The following ROR1 variants were observed in gnomAD, a reference collection of about 807,000 sequenced individuals.
ROR1 encodes ROR family WNT receptor 1.
ROR1 carries 19 observed loss-of-function variants against 78.8 expected under a neutral mutation model. That is an observed-to-expected ratio of 0.24 (90% CI 0.17 to 0.35). The LOEUF is 0.35. ROR1 is among the 10% of genes least tolerant of loss of function. The probability of loss-of-function intolerance (pLI) is 1.00; values close to 1 mark genes in which losing one functional copy is unlikely to be tolerated. For synonymous variants in ROR1, 386 were observed against 433.6 expected, an observed-to-expected ratio of 0.89 and a Z score of 1.36; for missense variants, 917 against 1,177.8, an observed-to-expected ratio of 0.78 and a Z score of 3.24.
chr1:63,941,324 A>G (rs1395143562), intron 1 of ROR1, among the ~76,000 whole-genome samples: 1 of 152,218 alleles, frequency 6.6e-6, no homozygotes, highest in East Asian at 1.9e-4. Context: ...TTCAGAAAAA[A>G]TAAATACACA....
rs114444734 is a variant in ROR1, at chr1:64,054,221, T to C, written c.482+3505T>C. Among the ~76,000 whole-genome samples, 1,232 of 152,270 alleles carry C rather than the reference T, an allele frequency of 8.1e-3. 13 individuals are homozygous for C. Among genetic ancestry groups the C allele is most frequent in the African/African-American group, 0.028 (1,183 of 41,560 alleles). Reference sequence around the variant, plus strand: ...CACCTACCTTGGCCTCCCAAAGTGCTGGGATTGCAGGCTTGAAGTACTGCA... The same window carrying C: ...CACCTACCTTGGCCTCCCAAAGTGCCGGGATTGCAGGCTTGAAGTACTGCA... On this transcript the variant is annotated intron_variant, in intron 4 of 8. Coordinates refer to ENST00000371079, the MANE Select transcript of ROR1 (RefSeq NM_005012.4).
At chr1:63,956,373 A>G (rs1451666896) in intron 1 of ROR1, among the ~76,000 whole-genome samples, 1 of 152,166 alleles carries the variant, frequency 6.6e-6, no homozygotes, top group Non-Finnish European at 1.5e-5. Flanking sequence ...AGGAAAGTGG[A>G]TGGAACCAGT....
At chr1:64,065,407 G>A (rs908498860) in intron 4 of ROR1, among the ~76,000 whole-genome samples, 1 of 152,118 alleles carries the variant, frequency 6.6e-6, no homozygotes, top group Non-Finnish European at 1.5e-5. Flanking sequence ...TTGCTGAAAG[G>A]ACTCACAACA....
intron 1 of ROR1, among the ~76,000 whole-genome samples, chr1:63,806,469 C>T (rs1431210615): frequency 6.6e-6 from 1 of 152,128 alleles, no homozygotes; most frequent in African/African-American, 2.4e-5. Flanking sequence ...AGGTGCCCGC[C>T]ACCACGCCCT....
At chr1:63,855,225 T>G (rs1028909716) in intron 1 of ROR1, among the ~76,000 whole-genome samples, 5 of 152,238 alleles carry the variant, frequency 3.3e-5, no homozygotes, top group Non-Finnish European at 7.3e-5. Context: ...CAGTTATGTG[T>G]ACTATGTGTT....
intron 1 of ROR1, among the ~76,000 whole-genome samples, chr1:63,794,284 A>G (rs905381921): frequency 6.6e-6 from 1 of 152,172 alleles, no homozygotes; most frequent in Non-Finnish European, 1.5e-5. Flanking sequence ...GAGGGCAAAA[A>G]TCAGACAATG....
At chr1:64,118,550 C>T (rs1969828) in intron 4 of ROR1, among the ~76,000 whole-genome samples, 45,795 of 146,410 alleles carry the variant, frequency 0.31, 7,406 homozygotes, top group African/African-American at 0.35. Context: ...TTGCTTGAAC[C>T]GGGACTCGGG....
At chr1:64,152,685 G>T (rs1649661657) in intron 7 of ROR1, among the ~76,000 whole-genome samples, 2 of 151,970 alleles carry the variant, frequency 1.3e-5, no homozygotes, top group Non-Finnish European at 2.9e-5. Flanking sequence ...TCAGCTTCTG[G>T]TTTGGATTCA....
In ROR1 at chr1:63,842,682, C is replaced by CT. The variant is rs575879991; in HGVS notation, c.91+68185dup. On this transcript the variant is annotated intron_variant, in intron 1 of 8. Coordinates refer to ENST00000371079, the MANE Select transcript of ROR1 (RefSeq NM_005012.4). ...CTTGCATCTGTTCCCTTTGCTCCTT[C>CT]TTTTTTTTTTTAATCGAAAGTGCCT... Among the ~76,000 whole-genome samples the CT allele has an allele frequency of 3.9e-3, 568 of 146,894 alleles. 2 individuals are homozygous for CT. The highest frequency in any genetic ancestry group is 0.013 in the African/African-American group (526 of 40,270).
intron 1 of ROR1, among the ~76,000 whole-genome samples, chr1:63,908,226 C>A (rs755856156): frequency 6.6e-6 from 1 of 152,132 alleles, no homozygotes; most frequent in East Asian, 1.9e-4. Flanking sequence ...GCAAAACACA[C>A]ATTTCTCCCC....
At chr1:64,140,526 A>G in intron 6 of ROR1, 100 bp downstream of exon 6, 1 of 1,112,238 alleles carries the variant, frequency 9.0e-7, no homozygotes, top group South Asian at 1.5e-5. Flanking sequence ...TCATACTGTT[A>G]ATCAAATTAT....
chr1:63,781,677 A>G (rs1644652237), intron 1 of ROR1, among the ~76,000 whole-genome samples: 1 of 152,240 alleles, frequency 6.6e-6, no homozygotes, highest in Non-Finnish European at 1.5e-5. Flanking sequence ...TGAAGAGTCA[A>G]TGAAATAATT....
intron 4 of ROR1, among the ~76,000 whole-genome samples, chr1:64,096,732 T>G (rs1389869644): frequency 1.3e-5 from 2 of 152,194 alleles, no homozygotes; most frequent in Non-Finnish European, 2.9e-5. Context: ...TATAATAGAA[T>G]GATTTATATT....
intron 4 of ROR1, among the ~76,000 whole-genome samples, chr1:64,098,252 C>T (rs551306723): frequency 6.6e-6 from 1 of 152,264 alleles, no homozygotes; most frequent in African/African-American, 2.4e-5. Flanking sequence ...CTTTTAGATG[C>T]ACTGAGTCCC....
At chr1:64,133,895 G>A (rs1034406406) in intron 4 of ROR1, among the ~76,000 whole-genome samples, 1 of 152,184 alleles carries the variant, frequency 6.6e-6, no homozygotes, top group Non-Finnish European at 1.5e-5. Flanking sequence ...TGCTGGAGGA[G>A]CATTTGTTCC....
At chr1:64,133,419 G>A (rs187950437) in intron 4 of ROR1, among the ~76,000 whole-genome samples, 13 of 152,244 alleles carry the variant, frequency 8.5e-5, no homozygotes, top group Admixed American at 2.6e-4. Context: ...TTTTGCTGCC[G>A]CACTGTTCCA....
At chr1:64,092,792 G>A (rs749165553) in intron 4 of ROR1, among the ~76,000 whole-genome samples, 8 of 152,158 alleles carry the variant, frequency 5.3e-5, no homozygotes, top group Middle Eastern at 3.4e-3. Flanking sequence ...TCTTTTCCTC[G>A]TGTGGTTGTT....
At chr1:63,870,153 G>T (rs1645242499) in intron 1 of ROR1, among the ~76,000 whole-genome samples, 1 of 152,090 alleles carries the variant, frequency 6.6e-6, no homozygotes. Context: ...TGCACACAGT[G>T]GAAATCATAC....
chr1:64,178,561 T>C lies in ROR1; in HGVS notation c.2520T>C (p.Gly840=). The change falls in exon 9 of 9, where the codon GGT becomes GGC. Residue 840 remains glycine (G), a synonymous_variant. Coordinates refer to ENST00000371079, the MANE Select transcript of ROR1 (RefSeq NM_005012.4). The surrounding 1 kb of genome is among the most constrained non-coding windows in gnomAD (Gnocchi z 4.3). ...CAGCTGCCCACTACCAGCCAACAGG[T>C]CCTCCCAGAGTGATTCAGCACTGCC... ...AFPAAHYQPT[G]PPRVIQHCPP... is the part of the protein sequence containing the mutation. The C allele has an allele frequency of 1.2e-6, 2 of 1,613,962 alleles. No homozygotes were observed. Among genetic ancestry groups the C allele is most frequent in the Non-Finnish European group, 1.7e-6 (2 of 1,179,998 alleles).
Sources: allele counts gnomAD v4.1 joint callset (sites outside exome capture counted in the v4.1 genomes callset), GRCh38; gene constraint gnomAD v4.1.1; non-coding constraint Gnocchi (gnomAD v3.1); transcripts MANE v1.5; gene names NCBI Gene and HGNC (gene_info 2026-07-23, HGNC 2026-07-21).